KMT2A: variants seen among roughly 807,000 people sequenced by gnomAD.
KMT2A encodes histone-lysine N-methyltransferase 2A.
In KMT2A, 16 loss-of-function variants were observed where a neutral mutation model predicts 345.3. The observed-to-expected ratio is 0.05, with a 90% CI of 0.03 to 0.07. The LOEUF (loss-of-function observed/expected upper bound fraction) is 0.07, where lower values mean the gene tolerates loss of function less well. KMT2A is among the 10% of genes least tolerant of loss of function. The pLI, the probability that KMT2A is intolerant of heterozygous loss-of-function variation, is 1.00. For synonymous variants in KMT2A, 1,599 were observed against 1,778.6 expected, an observed-to-expected ratio of 0.90 and a Z score of 2.54; for missense variants, 3,272 against 4,841.6, an observed-to-expected ratio of 0.68 and a Z score of 9.62.
chr11:118,516,367 A>G (rs1263685165), intron 31 of KMT2A, among the ~76,000 whole-genome samples: 1 of 152,216 alleles, frequency 6.6e-6, no homozygotes, highest in Non-Finnish European at 1.5e-5. Context: ...GAGGCAAGCT[A>G]GAAGGCTGAG....
chr11:118,503,347 T>G lies in KMT2A; in HGVS notation c.7455T>G (p.Val2485=). The change falls in exon 27 of 36, where the codon GTT becomes GTG. Residue 2485 remains valine (V), a synonymous_variant. Transcript: ENST00000534358. This position sits in a 1 kb window ranked among gnomAD's most constrained non-coding sequence, Gnocchi z 5.3. ...TGGGCCAACGACCATGTAACAATGT[T>G]TCTTCTGATAAGATTGGTGATAAAG... ...EYMGQRPCNN[V]SSDKIGDKGL... The G allele has an allele frequency of 1.2e-6, 2 of 1,614,134 alleles. No individual in the cohort carries two copies. Among genetic ancestry groups the G allele is most frequent in the South Asian group, 1.1e-5 (1 of 91,080 alleles).
At chr11:118,483,172 G>C (rs2134306767) in intron 8 of KMT2A, among the ~76,000 whole-genome samples, 1 of 151,298 alleles carries the variant, frequency 6.6e-6, no homozygotes, top group South Asian at 2.1e-4. Context: ...GGCGGAGGCT[G>C]CAGTGAGCCG....
rs1452993460 is a variant in KMT2A, at chr11:118,480,226, A to G, written c.3622A>G (p.Lys1208Glu). The change falls in exon 6 of 36, where the codon AAG becomes GAG. Residue 1208 changes from lysine (K) to glutamate (E), a missense_variant. This residue lies in a region of KMT2A where 26 missense variants were observed against 90.5 expected (regional missense o/e 0.29). Coordinates refer to ENST00000534358, the MANE Select transcript of KMT2A (RefSeq NM_001197104.2). ...QWMPSKAYLQ[K>E]QAKAVKKKEK... ...GATGCCTTCCAAAGCCTACCTGCAG[A>G]AGCAAGCTAAAGGTAGTGTTGTTAA... 10 of 1,613,354 alleles carry G rather than the reference A, an allele frequency of 6.2e-6. No homozygotes were observed. The highest frequency in any genetic ancestry group is 8.5e-6 in the Non-Finnish European group (10 of 1,179,414).
chr11:118,494,160 T>G lies in KMT2A; in HGVS notation c.5179-128T>G. 1.6e-6 allele frequency: 1 copy of G among 633,788 alleles called. No homozygotes were observed. Among genetic ancestry groups the G allele is most frequent in the Non-Finnish European group, 2.9e-6 (1 of 349,878 alleles). 39.3% of individuals were successfully genotyped at this position (633,788 alleles called of 1,614,324 possible). Reference sequence around the variant, plus strand: ...CTCAAAGGTCTCAGCCAAAGAGTATTATACCACATTAAAATAGGGTGTGAG... The same window carrying G: ...CTCAAAGGTCTCAGCCAAAGAGTATGATACCACATTAAAATAGGGTGTGAG... On this transcript the variant is annotated intron_variant, in intron 16 of 35. Coordinates refer to ENST00000534358, the MANE Select transcript of KMT2A (RefSeq NM_001197104.2). This position sits in a 1 kb window ranked among gnomAD's most constrained non-coding sequence, Gnocchi z 5.8.
intron 8 of KMT2A, among the ~76,000 whole-genome samples, chr11:118,482,963 C>T (rs1950162799): frequency 6.6e-6 from 1 of 151,920 alleles, no homozygotes; most frequent in Non-Finnish European, 1.5e-5. Context: ...CAAGGCGCAG[C>T]GGCTCACGCC....
intron 4 of KMT2A, among the ~76,000 whole-genome samples, chr11:118,477,498 CTTTTT>C (rs11430367): frequency 1.8e-5 from 1 of 56,926 alleles, no homozygotes; most frequent in East Asian, 6.9e-4. Flanking sequence ...AAGTTATTGG[CTTTTT>C]TTTTTTTTTT....
rs2134271430 is a variant in KMT2A at position 118,473,901 on chromosome 11, G to A, written c.2742G>A (p.Glu914=). ...ALYPVGRVSK[E]KVVGEDVATS... ...ATCCTGTGGGTAGGGTTTCCAAAGA[G>A]AAGGTTGTTGGTGAAGATGTTGCCA... is the stretch of plus-strand genomic sequence containing the variant. Residue 914 remains glutamate, a synonymous_variant, in exon 3 of 36, where the codon GAG becomes GAA. Coordinates refer to ENST00000534358, the MANE Select transcript of KMT2A (RefSeq NM_001197104.2). This position sits in a 1 kb window ranked among gnomAD's most constrained non-coding sequence, Gnocchi z 5.2. 6.2e-7 allele frequency: 1 copy of A among 1,614,206 alleles called. No individual in the cohort carries two copies. Among genetic ancestry groups the A allele is most frequent in the Non-Finnish European group, 8.5e-7 (1 of 1,180,040 alleles).
rs971111226 is a variant in KMT2A, at chr11:118,520,374, C to G, written c.11429+310C>G. The G allele has an allele frequency of 5.6e-6, 2 of 356,714 alleles. No individual in the cohort carries two copies. The highest frequency in any genetic ancestry group is 7.8e-4 in the Middle Eastern group (1 of 1,282). 22.1% of individuals were successfully genotyped at this position (356,714 alleles called of 1,614,324 possible). On this transcript the variant is annotated intron_variant, in intron 33 of 35. Transcript: ENST00000534358. The surrounding 1 kb of genome is among the most constrained non-coding windows in gnomAD (Gnocchi z 4.3). The stretch of plus-strand genomic sequence containing the variant: ...TATACTAAAAATGGGACTCATTGGC[C>G]AGGCACAGTGGCTCATGCCTGTAAT...
intron 4 of KMT2A, among the ~76,000 whole-genome samples, chr11:118,477,565 T>C (rs1950061964): frequency 8.3e-6 from 1 of 121,038 alleles, no homozygotes; most frequent in African/African-American, 3.1e-5. Context: ...TGGAGTACAG[T>C]GGTGCGATCT....
Position 118,491,059 on chromosome 11 carries a change from T to G in KMT2A, c.4697-137T>G. 1.2e-6 allele frequency: 1 copy of G among 802,634 alleles called. No individual in the cohort carries two copies. Among genetic ancestry groups the G allele is most frequent in the Non-Finnish European group, 1.9e-6 (1 of 525,710 alleles). The allele number at this position is 802,634 out of a possible 1,614,324, so 49.7% of individuals were successfully genotyped here. On this transcript the variant is annotated intron_variant, in intron 13 of 35. Coordinates refer to ENST00000534358, the MANE Select transcript of KMT2A (RefSeq NM_001197104.2). This position sits in a 1 kb window ranked among gnomAD's most constrained non-coding sequence, Gnocchi z 4.2. ...CTTGAGACTGCAGATGTGTGAACAT[T>G]CCACAGTAGATCCATGCTGGTGTTC...
At chr11:118,492,047 C>T in intron 15 of KMT2A, 119 bp downstream of exon 15, 1 of 702,138 alleles carries the variant, frequency 1.4e-6, no homozygotes, top group Non-Finnish European at 2.3e-6. Flanking sequence ...TTGGCTATAA[C>T]CATTAGGAAA....
chr11:118,455,730 C>T (rs112900272), intron 1 of KMT2A, among the ~76,000 whole-genome samples: 6,244 of 151,218 alleles, frequency 0.041, 182 homozygotes, highest in South Asian at 0.066. Context: ...CAGGGTCTCA[C>T]TCTGTTATCC....
rs1183962374 is a variant in KMT2A at position 118,461,394 on chromosome 11, A to G, written c.433-7381A>G. 2.6e-5 allele frequency among the ~76,000 whole-genome samples: 4 copies of G among 152,248 alleles called. No individual in the cohort carries two copies. The East Asian group carries it at 7.7e-4, about 29-fold the overall frequency. On this transcript the variant is annotated intron_variant, in intron 1 of 35. Coordinates refer to ENST00000534358, the MANE Select transcript of KMT2A (RefSeq NM_001197104.2). ...TAGATTTCACTTAGGAAGTGACATT[A>G]CATAGCTTAATTTGCTGTCTTAATC...
At chr11:118,455,406 C>T (rs921929198) in intron 1 of KMT2A, among the ~76,000 whole-genome samples, 2 of 152,094 alleles carry the variant, frequency 1.3e-5, no homozygotes, top group Non-Finnish European at 2.9e-5. Context: ...TTAAGTCTTT[C>T]TTACTCTAGT....
chr11:118,465,701 A>G (rs1452720706), intron 1 of KMT2A, among the ~76,000 whole-genome samples: 2 of 152,136 alleles, frequency 1.3e-5, no homozygotes, highest in Non-Finnish European at 2.9e-5. Context: ...GGCCCCCTCT[A>G]CAATTATAAT....
intron 1 of KMT2A, among the ~76,000 whole-genome samples, chr11:118,463,642 A>G (rs572843360): frequency 6.6e-6 from 1 of 152,336 alleles, no homozygotes; most frequent in Non-Finnish European, 1.5e-5. Flanking sequence ...TTCTACAGCC[A>G]GTTTAGACAC....
chr11:118,510,857 A>G lies in KMT2A; in HGVS notation c.11071+739A>G, dbSNP rs1950673267. ...CCCATGAAGATAAATAGAAGATTCTATTAAAGGAGAAAATGGAATTTGGGT... is the reference window on the plus strand; with the variant it reads ...CCCATGAAGATAAATAGAAGATTCTGTTAAAGGAGAAAATGGAATTTGGGT... On this transcript the variant is annotated intron_variant, in intron 30 of 35. Coordinates refer to ENST00000534358, the MANE Select transcript of KMT2A (RefSeq NM_001197104.2). This position sits in a 1 kb window ranked among gnomAD's most constrained non-coding sequence, Gnocchi z 4.1. Among the ~76,000 whole-genome samples, 1 of 152,230 alleles carries G rather than the reference A, an allele frequency of 6.6e-6. No homozygotes were observed. The highest frequency in any genetic ancestry group is 6.5e-5 in the Admixed American group (1 of 15,282).
At position 118,496,416 on chromosome 11, in the gene KMT2A, A is replaced by G; in HGVS notation, c.5664+49A>G. 7.7e-7 allele frequency: 1 copy of G among 1,305,494 alleles called. No individual in the cohort carries two copies. Among genetic ancestry groups the G allele is most frequent in the Non-Finnish European group, 1.1e-6 (1 of 900,062 alleles). 80.9% of individuals were successfully genotyped at this position (1,305,494 alleles called of 1,614,324 possible). ...CCTAGTTAATACATACTCCAAAAGA[A>G]CTGTTTGTCCTTGTGTCCATACTTG... On this transcript the variant is annotated intron_variant, in intron 20 of 35. Coordinates refer to ENST00000534358, the MANE Select transcript of KMT2A (RefSeq NM_001197104.2). The surrounding 1 kb of genome is among the most constrained non-coding windows in gnomAD (Gnocchi z 4.7).
chr11:118,517,025 T>C (rs565630641), intron 31 of KMT2A, among the ~76,000 whole-genome samples: 2 of 152,250 alleles, frequency 1.3e-5, no homozygotes, highest in Admixed American at 6.5e-5. Context: ...TCAATGTCTT[T>C]TTTTTTTAAC....
Sources: allele counts gnomAD v4.1 joint callset (sites outside exome capture counted in the v4.1 genomes callset), GRCh38; gene constraint gnomAD v4.1.1; regional missense constraint gnomAD v4.1.1; non-coding constraint Gnocchi (gnomAD v3.1); transcripts MANE v1.5; gene names NCBI Gene and HGNC (gene_info 2026-07-23, HGNC 2026-07-21).